Variants in GRM4 observed in about 807,000 individuals in gnomAD.
GRM4 encodes glutamate metabotropic receptor 4.
A neutral mutation model predicts 81.7 loss-of-function variants in GRM4; 28 were observed. The ratio of observed to expected loss-of-function variants is 0.34; its 90% confidence interval spans 0.25 to 0.47. The LOEUF (loss-of-function observed/expected upper bound fraction) is 0.47. Ranked by LOEUF, GRM4 falls within the 20% of genes least tolerant of loss-of-function variation. GRM4 has a pLI of 1.00. For missense variants in GRM4, 948 were observed against 1,290.0 expected (o/e 0.73, Z 4.06); for synonymous variants, 488 against 528.8 (o/e 0.92, Z 1.06).
At chr6:34,025,643 G>A (rs1246638858) in intron 10 of GRM4, among the ~76,000 whole-genome samples, 1 of 152,138 alleles carries the variant, frequency 6.6e-6, no homozygotes, top group Non-Finnish European at 1.5e-5. Context: ...GTCTGCCCAG[G>A]GCCCCCATGA....
rs552313716 is a variant in GRM4, at chr6:34,154,097, A to AG, written c.312+981dup. On this transcript the variant is annotated intron_variant, in intron 1 of 8. Coordinates refer to the GRM4 transcript ENST00000374177. ...GTGTTAAAGGCTAGGCTCTTTCCAC[A>AG]GCCACATTCAGCCGTATTCAGCCTG... 3.1e-3 allele frequency among the ~76,000 whole-genome samples: 468 copies of AG among 152,332 alleles called. 2 individuals carry two copies. The highest frequency in any genetic ancestry group is 9.5e-3 in the African/African-American group (394 of 41,580).
intron 5 of GRM4, 98 bp from the exon 6 acceptor site, chr6:34,056,782 G>A (rs1765918995): frequency 7.5e-7 from 1 of 1,337,800 alleles, no homozygotes; most frequent in Non-Finnish European, 1.0e-6. Flanking sequence ...TCCAGGCGGA[G>A]GGAGAGAGAC....
chr6:34,087,625 C>G (rs1330481258), intron 3 of GRM4, among the ~76,000 whole-genome samples: 3 of 151,656 alleles, frequency 2.0e-5, no homozygotes, highest in Admixed American at 6.6e-5. Flanking sequence ...CCTGGTGCAG[C>G]CTCAGCCTTG....
intron 2 of GRM4, among the ~76,000 whole-genome samples, chr6:34,101,209 T>G (rs1189496576): frequency 6.6e-6 from 1 of 152,172 alleles, no homozygotes; most frequent in African/African-American, 2.4e-5. Flanking sequence ...GACCTAACAC[T>G]TACTGGGTGC....
rs1763886791 is a variant in GRM4 at position 34,021,930 on chromosome 6, C to T, written c.*891G>A. 6.5e-6 allele frequency: 1 copy of T among 153,278 alleles called. No individual in the cohort carries two copies. The highest frequency in any genetic ancestry group is 6.5e-5 in the Admixed American group (1 of 15,288). The allele number at this position is 153,278 out of a possible 1,614,324, so 9.5% of individuals were successfully genotyped here. On this transcript the variant is annotated 3_prime_UTR_variant, in exon 11 of 11. Coordinates refer to ENST00000538487, the MANE Select transcript of GRM4 (RefSeq NM_000841.4). The surrounding 1 kb of genome is among the most constrained non-coding windows in gnomAD (Gnocchi z 5.3). ...TGCGCTACACATTGTCGTCAATAAC[C>T]ATCACCAAACACCCAGGCACTGAAC...
chr6:34,148,453 C>T (rs1016894336), upstream of GRM4, among the ~76,000 whole-genome samples: 9 of 152,172 alleles, frequency 5.9e-5, no homozygotes, highest in African/African-American at 1.9e-4. Flanking sequence ...CACACACACA[C>T]CTCAAAGAAC....
At chr6:34,045,375 C>G (rs1030739717) in intron 6 of GRM4, among the ~76,000 whole-genome samples, 1 of 152,252 alleles carries the variant, frequency 6.6e-6, no homozygotes, top group Non-Finnish European at 1.5e-5. Context: ...ACAGGCTTCA[C>G]TGGCCCCCTC....
chr6:34,148,323 G>C (rs1770980976), upstream of GRM4, among the ~76,000 whole-genome samples: 1 of 151,986 alleles, frequency 6.6e-6, no homozygotes, highest in Non-Finnish European at 1.5e-5. Flanking sequence ...CTCTCTGCTG[G>C]GTCGTGGCTG....
rs1769493722 is a variant in GRM4 at position 34,114,178 on chromosome 6, C to G, written c.519+18800G>C. On this transcript the variant is annotated intron_variant, in intron 2 of 10. Transcript: ENST00000538487. The surrounding 1 kb of genome is among the most constrained non-coding windows in gnomAD (Gnocchi z 4.3). Reference sequence around the variant, plus strand: ...CAGGTCCCCTCCACAGCACCTGTCCCCACTCATGTAAGTGATTACATCATG... The same window carrying G: ...CAGGTCCCCTCCACAGCACCTGTCCGCACTCATGTAAGTGATTACATCATG... 6.6e-6 allele frequency among the ~76,000 whole-genome samples: 1 copy of G among 152,182 alleles called. No individual in the cohort carries two copies. The highest frequency in any genetic ancestry group is 6.5e-5 in the Admixed American group (1 of 15,286).
intron 2 of GRM4, among the ~76,000 whole-genome samples, chr6:34,104,576 T>C (rs1370640434): frequency 7.2e-5 from 11 of 152,150 alleles, no homozygotes; most frequent in Non-Finnish European, 1.6e-4. Flanking sequence ...CCCAGGTCTG[T>C]CTGGCCCCAG....
In GRM4 at chr6:34,125,240, G is replaced by A. The variant is rs115983142; in HGVS notation, c.519+7738C>T. Among the ~76,000 whole-genome samples, 666 of 152,216 alleles carry A rather than the reference G, an allele frequency of 4.4e-3. 7 individuals are homozygous for A. Among genetic ancestry groups the A allele is most frequent in the African/African-American group, 0.015 (608 of 41,538 alleles). On this transcript the variant is annotated intron_variant, in intron 2 of 10. Coordinates refer to ENST00000538487, the MANE Select transcript of GRM4 (RefSeq NM_000841.4). ...CGCCCGCCTTGGCTTCCCAAAGGAC[G>A]CTTACCTTTTAACTCTGCAGGAATG... is the stretch of plus-strand genomic sequence containing the variant.
chr6:34,146,740 G>A (rs556431640), upstream of GRM4, among the ~76,000 whole-genome samples: 60 of 152,322 alleles, frequency 3.9e-4, no homozygotes, highest in African/African-American at 1.1e-3. Flanking sequence ...CTCGACCCCC[G>A]GCTGACCTGC....
chr6:34,061,845 C>T, intron 4 of GRM4, 48 bp downstream of exon 4: 2 of 1,581,552 alleles, frequency 1.3e-6, no homozygotes, highest in Non-Finnish European at 1.7e-6. Context: ...TGGCTTTGCC[C>T]ACACCTGCAT....
chr6:34,099,516 G>A (rs1238042224), intron 2 of GRM4, among the ~76,000 whole-genome samples: 1 of 152,110 alleles, frequency 6.6e-6, no homozygotes, highest in East Asian at 1.9e-4. Flanking sequence ...GGACTAGCAG[G>A]GGGGTGCAGG....
intron 1 of GRM4, among the ~76,000 whole-genome samples, chr6:34,134,781 G>T (rs1455350213): frequency 6.6e-6 from 1 of 151,520 alleles, no homozygotes; most frequent in Non-Finnish European, 1.5e-5. Flanking sequence ...CTGAGCTACT[G>T]GCACATTATT....
chr6:34,044,541 GAC>G (rs199626410), intron 6 of GRM4, among the ~76,000 whole-genome samples: 4,410 of 96,114 alleles, frequency 0.046, 105 homozygotes, highest in Middle Eastern at 0.14. Context: ...CATATATACA[GAC>G]ACACACACAA....
chr6:34,151,798 C>G (rs1374680658), intron 1 of GRM4, among the ~76,000 whole-genome samples: 1 of 151,386 alleles, frequency 6.6e-6, no homozygotes, highest in Non-Finnish European at 1.5e-5. Flanking sequence ...TGCACACACT[C>G]CACGAACAGA....
chr6:34,127,354 C>T (rs1010340506), intron 2 of GRM4, among the ~76,000 whole-genome samples: 4 of 152,166 alleles, frequency 2.6e-5, no homozygotes, highest in Non-Finnish European at 2.9e-5. Context: ...CAAGCAGGTG[C>T]AAAGGCCCTG....
At chr6:34,065,938 C>T (rs1205160654) in intron 3 of GRM4, among the ~76,000 whole-genome samples, 1 of 152,124 alleles carries the variant, frequency 6.6e-6, no homozygotes, top group Non-Finnish European at 1.5e-5. Flanking sequence ...TGCTTTCCAG[C>T]AGGAACCGCT....
Sources: allele counts gnomAD v4.1 joint callset (sites outside exome capture counted in the v4.1 genomes callset), GRCh38; gene constraint gnomAD v4.1.1; non-coding constraint Gnocchi (gnomAD v3.1); transcripts MANE v1.5; gene names NCBI Gene and HGNC (gene_info 2026-07-23, HGNC 2026-07-21).